CD6: variants seen among roughly 807,000 people sequenced by gnomAD.
CD6 encodes the protein CD6 molecule, also known as T-cell differentiation antigen CD6.
Under a neutral mutation model 75.3 loss-of-function variants are expected in CD6, and 53 were observed. The observed-to-expected ratio is 0.70, with a 90% CI of 0.56 to 0.88. CD6 has a LOEUF of 0.88. Ranked by LOEUF, CD6 falls within the 40% of genes least tolerant of loss-of-function variation. The pLI, the probability that CD6 is intolerant of heterozygous loss-of-function variation, is 0.00. For missense variants in CD6, 770 were observed against 897.1 expected (o/e 0.86, Z 1.81); for synonymous variants, 359 against 381.5 (o/e 0.94, Z 0.69).
intron 1 of CD6, among the ~76,000 whole-genome samples, chr11:60,981,780 T>C (rs932676554): frequency 3.9e-5 from 6 of 151,958 alleles, no homozygotes; most frequent in Admixed American, 6.6e-5. Context: ...TGCCTGAAAA[T>C]GGCGGCTGAG....
At chr11:61,000,717 G>A (rs1156351370) in intron 1 of CD6, among the ~76,000 whole-genome samples, 3 of 152,174 alleles carry the variant, frequency 2.0e-5, no homozygotes, top group Admixed American at 2.0e-4. Context: ...GACATCTCAG[G>A]AGCCTGGGTG....
chr11:61,019,303 C>G lies in CD6; in HGVS notation c.1992C>G (p.Asp664Glu). ...CCACCGACAACGATGACTACGATGA[C>G]ATCAGCGCAGCCTAGGCCGGGGCCA... is the stretch of plus-strand genomic sequence containing the variant. ...PDSTDNDDYD[D>E]ISAA is the part of the protein sequence containing the mutation. Residue 664 changes from aspartate (D) to glutamate (E), a missense_variant, in exon 13 of 13, where the codon GAC (aspartate) becomes GAG (glutamate). Transcript: ENST00000313421. 2 of 1,609,688 alleles carry G rather than the reference C, an allele frequency of 1.2e-6. No individual in the cohort carries two copies. The highest frequency in any genetic ancestry group is 1.7e-6 in the Non-Finnish European group (2 of 1,179,816).
At chr11:60,994,875 G>A (rs1373463033) in intron 1 of CD6, among the ~76,000 whole-genome samples, 1 of 152,328 alleles carries the variant, frequency 6.6e-6, no homozygotes, top group South Asian at 2.1e-4. Context: ...CCAGGGGAGA[G>A]AAGTCACTCT....
At position 60,976,519 on chromosome 11, in the gene CD6, T is replaced by G. The variant is rs1343715766; in HGVS notation, c.49+4605T>G. Among the ~76,000 whole-genome samples, 8 of 152,306 alleles carry G rather than the reference T, an allele frequency of 5.3e-5. No individual in the cohort carries two copies. In the South Asian group the frequency reaches 1.5e-3, roughly 28 times the overall value. ...CCATTGGATATATACTATGAGTGTT[T>G]GTTTATTTAATCATCTCTATTTTCT... is the stretch of plus-strand genomic sequence containing the variant. On this transcript the variant is annotated intron_variant, in intron 1 of 12. Transcript: ENST00000313421.
chr11:60,988,336 G>A (rs1464005365), intron 1 of CD6, among the ~76,000 whole-genome samples: 1 of 152,168 alleles, frequency 6.6e-6, no homozygotes, highest in Non-Finnish European at 1.5e-5. Flanking sequence ...GAATCCACTG[G>A]CACTCTGAGC....
Position 61,009,566 on chromosome 11 carries a change from C to A in CD6, c.782-6C>A. Reference sequence around the variant, plus strand: ...CCTGACTCTGTCCCCTGCCCCTTCCCTGCAGAGCACCAGTCCTGGCGCCTG... The same window carrying A: ...CCTGACTCTGTCCCCTGCCCCTTCCATGCAGAGCACCAGTCCTGGCGCCTG... On this transcript the variant is annotated splice_polypyrimidine_tract_variant and splice_region_variant and intron_variant, in intron 4 of 12. Transcript: ENST00000313421. 6.3e-7 allele frequency: 1 copy of A among 1,592,490 alleles called. No individual in the cohort carries two copies. Among genetic ancestry groups the A allele is most frequent in the Non-Finnish European group, 8.5e-7 (1 of 1,169,760 alleles).
At chr11:61,009,042 A>C in intron 4 of CD6, among the ~76,000 whole-genome samples, 197 bp downstream of exon 4, 1 of 152,202 alleles carries the variant, frequency 6.6e-6, no homozygotes, top group Middle Eastern at 3.2e-3. Flanking sequence ...AGTCAGGTGG[A>C]GTCTAGAGGC....
At chr11:61,010,168 A>G (rs1021870512) in intron 5 of CD6, among the ~76,000 whole-genome samples, 1 of 152,214 alleles carries the variant, frequency 6.6e-6, no homozygotes, top group Non-Finnish European at 1.5e-5. Context: ...TTGCCATCCC[A>G]GGCCTGGTGA....
At chr11:61,002,085 C>T (rs1050674779) in intron 1 of CD6, among the ~76,000 whole-genome samples, 1 of 152,232 alleles carries the variant, frequency 6.6e-6, no homozygotes. Context: ...ATTCTCTTCT[C>T]TGCATCTTGC....
intron 1 of CD6, among the ~76,000 whole-genome samples, chr11:60,983,071 C>T (rs1380770006): frequency 2.6e-5 from 4 of 152,008 alleles, no homozygotes; most frequent in Non-Finnish European, 5.9e-5. Flanking sequence ...AGTCCTCAGG[C>T]TCTGCCTCCT....
Position 61,015,836 on chromosome 11 carries a change from G to A in CD6, c.1510+1G>A. On this transcript the variant is annotated splice_donor_variant, in intron 9 of 12. Coordinates refer to ENST00000313421, the MANE Select transcript of CD6 (RefSeq NM_006725.5). LOFTEE classifies it high-confidence loss of function. ...CCTGTGGCCCTGACCACCTTCTACA[G>A]TGAGTGCCTGGCCGGGCTCCCGAGG... 1.9e-6 allele frequency: 3 copies of A among 1,614,084 alleles called. No individual in the cohort carries two copies.
At position 60,996,762 on chromosome 11, in the gene CD6, G is replaced by A. The variant is rs970292370; in HGVS notation, c.50-9812G>A. On this transcript the variant is annotated intron_variant, in intron 1 of 12. Coordinates refer to ENST00000313421, the MANE Select transcript of CD6 (RefSeq NM_006725.5). Reference sequence around the variant, plus strand: ...CTCCAGAGCAGCAGCTGGACTATCCGGGAGATCACTGCGCTGCACTGGGAG... The same window carrying A: ...CTCCAGAGCAGCAGCTGGACTATCCAGGAGATCACTGCGCTGCACTGGGAG... Among the ~76,000 whole-genome samples, 13 of 152,320 alleles carry A rather than the reference G, an allele frequency of 8.5e-5. No homozygotes were observed. In the East Asian group the frequency reaches 1.4e-3, roughly 16 times the overall value.
intron 4 of CD6, among the ~76,000 whole-genome samples, 159 bp from the exon 5 acceptor site, chr11:61,009,413 A>G (rs1859032943): frequency 6.6e-6 from 1 of 152,210 alleles, no homozygotes; most frequent in African/African-American, 2.4e-5. Context: ...GCCAGAGCAA[A>G]TGGGGCAGGT....
At chr11:60,990,906 GC>G (rs1858035383) in intron 1 of CD6, among the ~76,000 whole-genome samples, 1 of 151,828 alleles carries the variant, frequency 6.6e-6, no homozygotes, top group Non-Finnish European at 1.5e-5. Flanking sequence ...GAATAATCCA[GC>G]CTATGATACA....
rs1859115361 is a variant in CD6, at chr11:61,011,045, G to A, written c.1085-25G>A. 1.9e-6 allele frequency: 3 copies of A among 1,612,170 alleles called. No individual in the cohort carries two copies. In the East Asian group the frequency reaches 6.7e-5, roughly 36 times the overall value. ...GTAGGTGCTCAGTAACATGCATTGAGTGACTGGGCGGTGCTTTCTGACAGC... is the reference window on the plus strand; with the variant it reads ...GTAGGTGCTCAGTAACATGCATTGAATGACTGGGCGGTGCTTTCTGACAGC... On this transcript the variant is annotated intron_variant, in intron 5 of 12. Coordinates refer to ENST00000313421, the MANE Select transcript of CD6 (RefSeq NM_006725.5).
At position 61,013,514 on chromosome 11, in the gene CD6, C is replaced by T; in HGVS notation, c.1242C>T (p.Gly414=). Residue 414 remains glycine (G), a synonymous_variant, in exon 7 of 13, where the codon GGC becomes GGT. Coordinates refer to ENST00000313421, the MANE Select transcript of CD6 (RefSeq NM_006725.5). ...TCGTTCTGGGAATTCTCCTCCTTGGCTCCCTCATCTTCATAGCCTTCATCC... is the reference window on the plus strand; with the variant it reads ...TCGTTCTGGGAATTCTCCTCCTTGGTTCCCTCATCTTCATAGCCTTCATCC... ...PSIVLGILLL[G]SLIFIAFILL... 2 of 1,614,056 alleles carry T rather than the reference C, an allele frequency of 1.2e-6. No individual in the cohort carries two copies. Among genetic ancestry groups the T allele is most frequent in the Non-Finnish European group, 1.7e-6 (2 of 1,179,934 alleles).
intron 1 of CD6, among the ~76,000 whole-genome samples, chr11:60,997,584 G>C (rs1858366272): frequency 6.6e-6 from 1 of 151,800 alleles, no homozygotes; most frequent in African/African-American, 2.4e-5. Context: ...TTCTTACCAA[G>C]TCTTTGACAC....
At chr11:60,984,081 G>A (rs1857695371) in intron 1 of CD6, among the ~76,000 whole-genome samples, 1 of 152,010 alleles carries the variant, frequency 6.6e-6, no homozygotes, top group Admixed American at 6.6e-5. Flanking sequence ...TGGCTAAGGT[G>A]TTGTCTGCTA....
In CD6 at chr11:61,007,889, C is replaced by A. The variant is rs750025413; in HGVS notation, c.448C>A (p.Arg150=). 7 of 1,371,048 alleles carry A rather than the reference C, an allele frequency of 5.1e-6. No individual in the cohort carries two copies. The highest frequency in any genetic ancestry group is 6.6e-6 in the Non-Finnish European group (7 of 1,067,360). 84.9% of individuals were successfully genotyped at this position (1,371,048 alleles called of 1,614,324 possible). The change falls in exon 3 of 13, where the codon CGG becomes AGG. Residue 150 remains arginine (R), a synonymous_variant. Transcript: ENST00000313421. The surrounding 1 kb of genome is among the most constrained non-coding windows in gnomAD (Gnocchi z 4.2). The part of the protein sequence containing the change: ...VEHACRSDGR[R]ARVTCAENRA... ...GCACGCGTGCCGCAGCGACGGGAGG[C>A]GGGCCCGTGTCACCTGTGCAGGTAC...
Sources: allele counts gnomAD v4.1 joint callset (sites outside exome capture counted in the v4.1 genomes callset), GRCh38; gene constraint gnomAD v4.1.1; non-coding constraint Gnocchi (gnomAD v3.1); transcripts MANE v1.5; gene names NCBI Gene and HGNC (gene_info 2026-07-23, HGNC 2026-07-21).